Variants in BARHL2 observed in about 807,000 individuals in gnomAD.
BARHL2 encodes the protein barH-like 2 homeobox protein.
A neutral mutation model predicts 27.1 loss-of-function variants in BARHL2; 10 were observed. That is an observed-to-expected ratio of 0.37 (90% CI 0.23 to 0.63). The LOEUF is 0.63. Ranked by LOEUF, BARHL2 falls within the 20% of genes least tolerant of loss-of-function variation. The pLI is 0.65. For missense variants in BARHL2, 483 were observed against 533.5 expected (o/e 0.91, Z 0.93); for synonymous variants, 248 against 224.7 (o/e 1.10, Z -0.93).
Position 90,717,178 on chromosome 1 carries a change from G to A in BARHL2, c.18C>T (p.Ala6=). The change falls in exon 1 of 3, where the codon GCC becomes GCT. Residue 6 remains alanine (A), a synonymous_variant. Coordinates refer to ENST00000370445, the MANE Select transcript of BARHL2 (RefSeq NM_020063.2). The part of the protein sequence containing the change: MTMEG[A]SGSSFGIDTI... Reference sequence around the variant, plus strand: ...TGTCTATTCCAAAACTCGACCCGCTGGCCCCTTCCATTGTCATTGCTACAT... The same window carrying A: ...TGTCTATTCCAAAACTCGACCCGCTAGCCCCTTCCATTGTCATTGCTACAT... The A allele has an allele frequency of 6.2e-7, 1 of 1,613,070 alleles. No individual in the cohort carries two copies. Among genetic ancestry groups the A allele is most frequent in the East Asian group, 2.2e-5 (1 of 44,776 alleles).
rs1455847063 is a variant in BARHL2 at position 90,711,736 on chromosome 1, C to G, written c.*576G>C. 1 of 152,060 alleles carries G rather than the reference C, an allele frequency of 6.6e-6. No individual in the cohort carries two copies. Among genetic ancestry groups the G allele is most frequent in the Non-Finnish European group, 1.5e-5 (1 of 68,036 alleles). 9.4% of individuals were successfully genotyped at this position (152,060 alleles called of 1,614,324 possible). On this transcript the variant is annotated 3_prime_UTR_variant, in exon 3 of 3. Coordinates refer to ENST00000370445, the MANE Select transcript of BARHL2 (RefSeq NM_020063.2). ...CTTATCACTCAGTCTTTCAAATGTACATTTTTTTCATATTATGGAGCATGC... is the reference window on the plus strand; with the variant it reads ...CTTATCACTCAGTCTTTCAAATGTAGATTTTTTTCATATTATGGAGCATGC...
In BARHL2 at chr1:90,712,437, C is replaced by T. The variant is rs1307592445; in HGVS notation, c.1039G>A (p.Ala347Thr). ...GGCCGCTGCAGCTGGGGATGGGGTG[C>T]TGGAGGAGTCCGGTACATGCTGCTG... ...MYSSMYRTPP[A>T]PHPQLQRPLV... Residue 347 changes from alanine to threonine, a missense_variant, in exon 3 of 3, where the codon GCA becomes ACA. Ala to Thr is a moderately conservative substitution (Grantham distance 58). Around this residue, in one of 3 missense-constraint regions of BARHL2, gnomAD observed 130 missense variants for 138.0 expected, o/e 0.94. Transcript: ENST00000370445. 6.2e-7 allele frequency: 1 copy of T among 1,611,832 alleles called. No homozygotes were observed. The highest frequency in any genetic ancestry group is 1.7e-5 in the Admixed American group (1 of 59,712).
chr1:90,716,272 G>GT (rs375362591), intron 1 of BARHL2, among the ~76,000 whole-genome samples: 60 of 152,140 alleles, frequency 3.9e-4, no homozygotes, highest in African/African-American at 1.3e-3. Context: ...TCAACGAAAA[G>GT]TATTTCCTGT....
chr1:90,716,685 G>A lies in BARHL2; in HGVS notation c.511C>T (p.Pro171Ser). ...TGCACTGCGTTGCTCTCCTGCTTCGGGGTGTGGTGGGGAGAGGATACGCTG... is the reference window on the plus strand; with the variant it reads ...TGCACTGCGTTGCTCTCCTGCTTCGAGGTGTGGTGGGGAGAGGATACGCTG... ...STSVSSPHHT[P>S]KQESNAVHES... The change falls in exon 1 of 3, where the codon CCG (proline) becomes TCG (serine). Residue 171 changes from proline (P) to serine (S), a missense_variant. Around this residue, in one of 3 missense-constraint regions of BARHL2, gnomAD observed 304 missense variants for 284.9 expected, o/e 1.07. Coordinates refer to ENST00000370445, the MANE Select transcript of BARHL2 (RefSeq NM_020063.2). 1 of 1,612,906 alleles carries A rather than the reference G, an allele frequency of 6.2e-7. No homozygotes were observed.
At position 90,716,777 on chromosome 1, in the gene BARHL2, G is replaced by A. The variant is rs768862477; in HGVS notation, c.419C>T (p.Ser140Phe). 1.3e-6 allele frequency: 2 copies of A among 1,560,522 alleles called. No individual in the cohort carries two copies. The highest frequency in any genetic ancestry group is 1.2e-5 in the South Asian group (1 of 84,996). Reference sequence around the variant, plus strand: ...CAAGATGTCCTTAATTAAAAAAGAAGACGTGGAAGTCCTGGGGGCCGAGGC... The same window carrying A: ...CAAGATGTCCTTAATTAAAAAAGAAAACGTGGAAGTCCTGGGGGCCGAGGC... ...SAASAPRTST[S>F]SFLIKDILGD... The change falls in exon 1 of 3, where the codon TCT becomes TTT. Residue 140 changes from serine to phenylalanine, a missense_variant. Physicochemically the swap from Ser to Phe is radical, Grantham distance 155. Around this residue, in one of 3 missense-constraint regions of BARHL2, gnomAD observed 304 missense variants for 284.9 expected, o/e 1.07. Transcript: ENST00000370445.
At chr1:90,712,743 G>A (rs1557466414) in intron 2 of BARHL2, 119 bp from the exon 3 acceptor site, 1 of 1,046,954 alleles carries the variant, frequency 9.6e-7, no homozygotes, top group Non-Finnish European at 1.4e-6. Flanking sequence ...GTGGCAGGAA[G>A]ACTCAGAGAC....
intron 1 of BARHL2, among the ~76,000 whole-genome samples, chr1:90,715,449 G>A (rs1012661008): frequency 5.9e-5 from 9 of 151,994 alleles, no homozygotes; most frequent in Non-Finnish European, 1.2e-4. Context: ...TGAAATGCTG[G>A]GAAATCGATA....
At chr1:90,713,570 C>A (rs1448455253) in intron 2 of BARHL2, among the ~76,000 whole-genome samples, 2 of 152,096 alleles carry the variant, frequency 1.3e-5, no homozygotes, top group Admixed American at 1.3e-4. Flanking sequence ...TGGCTGAAAC[C>A]GTATGTAATG....
Position 90,711,709 on chromosome 1 carries a change from C to G in BARHL2, c.*603G>C, listed in dbSNP as rs892575095. On this transcript the variant is annotated 3_prime_UTR_variant, in exon 3 of 3. Transcript: ENST00000370445. ...ACAACATATAATAAATATGATATAT[C>G]ACTTATCACTCAGTCTTTCAAATGT... 1.3e-5 allele frequency: 2 copies of G among 152,048 alleles called. No homozygotes were observed. Among genetic ancestry groups the G allele is most frequent in the African/African-American group, 4.8e-5 (2 of 41,382 alleles). The allele number at this position is 152,048 out of a possible 1,614,324, so 9.4% of individuals were successfully genotyped here.
At position 90,712,346 on chromosome 1, in the gene BARHL2, G is replaced by A; in HGVS notation, c.1130C>T (p.Ser377Phe). Residue 377 changes from serine (S) to phenylalanine (F), a missense_variant, in exon 3 of 3, where the codon TCC becomes TTC. Around this residue, in one of 3 missense-constraint regions of BARHL2, gnomAD observed 130 missense variants for 138.0 expected, o/e 0.94. Transcript: ENST00000370445. ...PGGQPALNPL[S>F]SPIPGTPHPR The stretch of plus-strand genomic sequence containing the variant: ...GTGTGGGGTGCCTGGGATGGGGCTG[G>A]ACAATGGATTAAGGGCTGGCTGTCC... 6.6e-7 allele frequency: 1 copy of A among 1,522,788 alleles called. No homozygotes were observed. The highest frequency in any genetic ancestry group is 8.9e-7 in the Non-Finnish European group (1 of 1,129,558). 94.3% of individuals were successfully genotyped at this position (1,522,788 alleles called of 1,614,324 possible). A position where few individuals can be genotyped will look rare whatever the true frequency, so the allele number is the denominator to read the frequency against.
At position 90,712,581 on chromosome 1, in the gene BARHL2, C is replaced by T; in HGVS notation, c.895G>A (p.Ala299Thr). Residue 299 changes from alanine (A) to threonine (T), a missense_variant, in exon 3 of 3, where the codon GCC becomes ACC. By Grantham distance (58) the Ala-to-Thr change is moderately conservative (BLOSUM62 0). Coordinates refer to ENST00000370445, the MANE Select transcript of BARHL2 (RefSeq NM_020063.2). ...RQTAVGLELL[A>T]EAGNYSALQR... ...AGCGCCGAGTAGTTCCCTGCCTCGG[C>T]CAGCAACTCCAGGCCCACCGCTGTC... 2 of 1,612,960 alleles carry T rather than the reference C, an allele frequency of 1.2e-6. No homozygotes were observed. The highest frequency in any genetic ancestry group is 1.1e-5 in the South Asian group (1 of 90,992).
intron 1 of BARHL2, among the ~76,000 whole-genome samples, chr1:90,716,207 C>CCCCATT (rs543706338): frequency 6.1e-4 from 93 of 152,242 alleles, no homozygotes; most frequent in African/African-American, 1.9e-3. Flanking sequence ...TCCTACCTCC[C>CCCCATT]CCCATTCCCA....
At position 90,714,684 on chromosome 1, in the gene BARHL2, C is replaced by G. The variant is rs754036715; in HGVS notation, c.698G>C (p.Arg233Pro). ...ESPPVRAKKP[R>P]KARTAFSDHQ... is the part of the protein sequence containing the mutation. ...GTCGGAAAAAGCTGTCCTTGCTTTT[C>G]GAGGCTTCTTGGCTCTCACAGGGGG... The change falls in exon 2 of 3, where the codon CGA becomes CCA. Residue 233 changes from arginine to proline, a missense_variant. Arg to Pro is a moderately radical substitution (Grantham distance 103). This residue lies in a region of BARHL2 where 49 missense variants were observed against 110.6 expected (regional missense o/e 0.44). Coordinates refer to ENST00000370445, the MANE Select transcript of BARHL2 (RefSeq NM_020063.2). 1 of 1,614,186 alleles carries G rather than the reference C, an allele frequency of 6.2e-7. No individual in the cohort carries two copies. Among genetic ancestry groups the G allele is most frequent in the Non-Finnish European group, 8.5e-7 (1 of 1,180,040 alleles).
At chr1:90,713,621 T>G (rs1658082706) in intron 2 of BARHL2, among the ~76,000 whole-genome samples, 1 of 152,164 alleles carries the variant, frequency 6.6e-6, no homozygotes, top group Non-Finnish European at 1.5e-5. Context: ...GGATGGGCAT[T>G]TCCAACCGCA....
chr1:90,715,841 ATTTT>A (rs534431663), intron 1 of BARHL2, among the ~76,000 whole-genome samples: 9 of 143,812 alleles, frequency 6.3e-5, no homozygotes, highest in African/African-American at 1.5e-4. Context: ...TTGTCATCTT[ATTTT>A]TTTTTTAACA....
chr1:90,717,024 C>T lies in BARHL2; in HGVS notation c.172G>A (p.Val58Ile), dbSNP rs150916366. ...ATAGGAGAAGAAGGCGCCGTCCCTA[C>T]GGTATCAATCTCCGAACAGGGAGAT... ...TPSPCSEIDTVGTAPSSPISV... is the reference protein window; with the variant it reads ...TPSPCSEIDTIGTAPSSPISV... Residue 58 changes from valine (V) to isoleucine (I), a missense_variant, in exon 1 of 3, where the codon GTA (valine) becomes ATA (isoleucine). Val to Ile is a conservative substitution (Grantham distance 29). Transcript: ENST00000370445. The T allele has an allele frequency of 9.3e-6, 15 of 1,613,742 alleles. No individual in the cohort carries two copies. The Admixed American group carries it at 2.0e-4, about 22-fold the overall frequency.
chr1:90,714,175 C>G (rs948346194), intron 2 of BARHL2, among the ~76,000 whole-genome samples: 2 of 152,214 alleles, frequency 1.3e-5, no homozygotes, highest in African/African-American at 4.8e-5. Context: ...AGGGGTGCAC[C>G]GCGCAGGCTC....
intron 2 of BARHL2, 127 bp from the exon 3 acceptor site, chr1:90,712,751 G>A: frequency 2.0e-6 from 2 of 995,894 alleles, no homozygotes; most frequent in East Asian, 2.7e-5. Context: ...AAGACTCAGA[G>A]ACCTCTTCAA....
chr1:90,716,699 G>C lies in BARHL2; in HGVS notation c.497C>G (p.Ser166Cys), dbSNP rs1658153223. The change falls in exon 1 of 3, where the codon TCT (serine) becomes TGT (cysteine). Residue 166 changes from serine to cysteine, a missense_variant. Physicochemically the swap from Ser to Cys is moderately radical, Grantham distance 112. This residue lies in a region of BARHL2 where 304 missense variants were observed against 284.9 expected (regional missense o/e 1.07). Coordinates refer to ENST00000370445, the MANE Select transcript of BARHL2 (RefSeq NM_020063.2). Reference sequence around the variant, plus strand: ...CTCCTGCTTCGGGGTGTGGTGGGGAGAGGATACGCTGGTGCTGTAGGGTGC... The same window carrying C: ...CTCCTGCTTCGGGGTGTGGTGGGGACAGGATACGCTGGTGCTGTAGGGTGC... ...ACAPYSTSVSSPHHTPKQESN... is the reference protein window; with the variant it reads ...ACAPYSTSVSCPHHTPKQESN... 2 of 1,612,006 alleles carry C rather than the reference G, an allele frequency of 1.2e-6. No homozygotes were observed. Among genetic ancestry groups the C allele is most frequent in the Non-Finnish European group, 1.7e-6 (2 of 1,179,036 alleles).
Sources: gnomAD v4.1 joint callset for allele counts (sites outside exome capture counted in the v4.1 genomes callset) on GRCh38, gnomAD v4.1.1 for gene constraint, gnomAD v4.1.1 regional missense constraint, MANE v1.5 for transcripts, NCBI Gene and HGNC (gene_info 2026-07-23, HGNC 2026-07-21) for gene names.